The following PREX1 variants were observed in gnomAD, a reference collection of about 807,000 sequenced individuals.
PREX1 encodes the protein phosphatidylinositol-3,4,5-trisphosphate dependent Rac exchange factor 1.
A neutral mutation model predicts 198.3 loss-of-function variants in PREX1; 41 were observed. The ratio of observed to expected loss-of-function variants is 0.21; its 90% CI spans 0.16 to 0.27. The LOEUF is 0.27. PREX1 is among the 10% of genes least tolerant of loss of function. PREX1 has a pLI of 1.00. For synonymous variants in PREX1, 843 were observed against 887.2 expected (o/e 0.95, Z 0.89); for missense variants, 1,620 against 2,200.7 (o/e 0.74, Z 5.28).
At chr20:48,631,499 T>C (rs1371263576) in intron 35 of PREX1, among the ~76,000 whole-genome samples, 1 of 152,188 alleles carries the variant, frequency 6.6e-6, no homozygotes, top group Non-Finnish European at 1.5e-5. Flanking sequence ...GAATGAATCA[T>C]CACACAGGCA....
In PREX1 at chr20:48,645,906, C is replaced by T. The variant is rs759296189; in HGVS notation, c.3457G>A (p.Glu1153Lys). The T allele has an allele frequency of 3.7e-6, 6 of 1,614,216 alleles. No homozygotes were observed. The highest frequency in any genetic ancestry group is 1.7e-5 in the Admixed American group (1 of 60,034). ...GIKKVCFKVA[E>K]EDQEDSGHDT... is the part of the protein sequence containing the mutation. ...TGGCCTGAGTCCTCCTGGTCCTCCT[C>T]GGCCACCTTGAAGCACACCTTCTTG... is the stretch of plus-strand genomic sequence containing the variant. The change falls in exon 26 of 40, where the codon GAG (glutamate) becomes AAG (lysine). Residue 1153 changes from glutamate (E) to lysine (K), a missense_variant. Glu to Lys is a moderately conservative substitution (Grantham distance 56). This residue lies in a region of PREX1 where 8 missense variants were observed against 26.8 expected (regional missense o/e 0.30). Transcript: ENST00000371941.
At chr20:48,767,828 C>T (rs1430815138) in intron 1 of PREX1, among the ~76,000 whole-genome samples, 2 of 152,166 alleles carry the variant, frequency 1.3e-5, no homozygotes, top group Admixed American at 1.3e-4. Context: ...CAAATATCAC[C>T]TCCACAGAGA....
chr20:48,701,942 C>A (rs538945086), intron 6 of PREX1, among the ~76,000 whole-genome samples: 2 of 152,028 alleles, frequency 1.3e-5, no homozygotes, highest in Non-Finnish European at 2.9e-5. Context: ...GCTGGCCGGG[C>A]GCAGTGGTTC....
chr20:48,635,536 C>T (rs1191923888), intron 32 of PREX1, among the ~76,000 whole-genome samples: 2 of 152,204 alleles, frequency 1.3e-5, no homozygotes, highest in Non-Finnish European at 2.9e-5. Context: ...ACCAGCCACT[C>T]TTCGGGGCCT....
chr20:48,707,730 AC>A (rs2089909960), intron 6 of PREX1, among the ~76,000 whole-genome samples: 1 of 152,148 alleles, frequency 6.6e-6, no homozygotes, highest in South Asian at 2.1e-4. Flanking sequence ...GATCTCAAGA[AC>A]CCCATCCCCT....
At chr20:48,702,730 C>T (rs2089881953) in intron 6 of PREX1, among the ~76,000 whole-genome samples, 1 of 152,260 alleles carries the variant, frequency 6.6e-6, no homozygotes, top group Non-Finnish European at 1.5e-5. Flanking sequence ...TGACTGTCCG[C>T]CTCTGCACTG....
At chr20:48,877,614 T>C in the PREX1 span, among the ~76,000 whole-genome samples, 1 of 152,278 alleles carries the variant, frequency 6.6e-6, no homozygotes, top group Non-Finnish European at 1.5e-5. Flanking sequence ...GCTACACTGA[T>C]TGGCCTGGTG....
At chr20:48,779,333 G>A (rs570634727) in intron 1 of PREX1, among the ~76,000 whole-genome samples, 41 of 152,274 alleles carry the variant, frequency 2.7e-4, no homozygotes, top group African/African-American at 9.1e-4. Context: ...TGAAAAACCC[G>A]ACAATACCAA....
chr20:48,767,380 A>G (rs2090213568), intron 1 of PREX1, among the ~76,000 whole-genome samples: 1 of 152,120 alleles, frequency 6.6e-6, no homozygotes, highest in Admixed American at 6.5e-5. Context: ...AAGCATGAAG[A>G]AGCCCCCTCA....
the PREX1 span, among the ~76,000 whole-genome samples, chr20:48,862,803 A>G: frequency 4.8e-5 from 6 of 123,716 alleles, no homozygotes; most frequent in African/African-American, 1.8e-4. Context: ...ATATATATAT[A>G]TATATATATA....
intron 6 of PREX1, among the ~76,000 whole-genome samples, chr20:48,704,747 G>GGTTT (rs2089894434): frequency 6.6e-6 from 1 of 152,118 alleles, no homozygotes; most frequent in South Asian, 2.1e-4. Flanking sequence ...ATAGAGAAGG[G>GGTTT]GTTTCACCGT....
intron 1 of PREX1, among the ~76,000 whole-genome samples, chr20:48,780,806 C>T (rs1234646838): frequency 6.6e-6 from 1 of 152,144 alleles, no homozygotes; most frequent in Non-Finnish European, 1.5e-5. Context: ...AGGGTATTTC[C>T]ACAGTCTCAA....
At chr20:48,734,478 C>A in intron 4 of PREX1, 68 bp downstream of exon 4, 1 of 1,372,718 alleles carries the variant, frequency 7.3e-7, no homozygotes, top group Non-Finnish European at 1.0e-6. Flanking sequence ...ATGAAGTCCT[C>A]TTGTGCCCAG....
At chr20:48,767,290 T>A (rs2090213031) in intron 1 of PREX1, among the ~76,000 whole-genome samples, 1 of 151,146 alleles carries the variant, frequency 6.6e-6, no homozygotes, top group Non-Finnish European at 1.5e-5. Context: ...TGCAAGGGAG[T>A]CTTTCAATGG....
At chr20:48,711,623 C>G (rs2089931378) in intron 5 of PREX1, among the ~76,000 whole-genome samples, 1 of 152,210 alleles carries the variant, frequency 6.6e-6, no homozygotes, top group Non-Finnish European at 1.5e-5. Flanking sequence ...CAAGTATCCT[C>G]ATTTCACTGA....
intron 1 of PREX1, among the ~76,000 whole-genome samples, chr20:48,787,276 C>A (rs1042218840): frequency 6.6e-6 from 1 of 151,928 alleles, no homozygotes; most frequent in East Asian, 1.9e-4. Context: ...CAGGACGACA[C>A]GGCACTTATG....
At chr20:48,884,890 T>C in the PREX1 span, among the ~76,000 whole-genome samples, 1 of 152,134 alleles carries the variant, frequency 6.6e-6, no homozygotes, top group East Asian at 1.9e-4. Context: ...GGTGGATGGA[T>C]CATTTGAGAT....
chr20:48,773,522 C>G (rs2090246941), intron 1 of PREX1, among the ~76,000 whole-genome samples: 1 of 152,174 alleles, frequency 6.6e-6, no homozygotes, highest in African/African-American at 2.4e-5. Flanking sequence ...CAGGTACTTA[C>G]TGAGAAGCAG....
At chr20:48,661,573 A>G (rs866156306) in intron 15 of PREX1, among the ~76,000 whole-genome samples, 13 of 143,042 alleles carry the variant, frequency 9.1e-5, no homozygotes, top group African/African-American at 3.1e-4. Context: ...ACACACACAC[A>G]CTGACCCCTT....
Sources: allele counts gnomAD v4.1 joint callset (sites outside exome capture counted in the v4.1 genomes callset), GRCh38; gene constraint gnomAD v4.1.1; regional missense constraint gnomAD v4.1.1; transcripts MANE v1.5; gene names NCBI Gene and HGNC (gene_info 2026-07-23, HGNC 2026-07-21).